RAB36: variants seen among roughly 807,000 people sequenced by gnomAD.
RAB36 encodes the protein RAB36, member RAS oncogene family.
In RAB36, 33 loss-of-function variants were observed where a neutral mutation model predicts 39.3. That is an observed-to-expected ratio of 0.84 (90% CI 0.64 to 1.12). RAB36 has a LOEUF of 1.12. RAB36 is among the 50% of genes most tolerant of loss of function. RAB36 has a pLI of 0.00. For synonymous variants in RAB36, 133 were observed against 140.2 expected, an observed-to-expected ratio of 0.95 and a Z score of 0.36; for missense variants, 308 against 355.3, an observed-to-expected ratio of 0.87 and a Z score of 1.07.
At chr22:23,161,386 C>T (rs2071786552) in intron 10 of RAB36, 114 bp from the exon 11 acceptor site, 2 of 981,878 alleles carry the variant, frequency 2.0e-6, no homozygotes, top group Admixed American at 2.0e-5. Flanking sequence ...AGGCCTTGAA[C>T]AGCAGGCCCA....
intron 4 of RAB36, 91 bp from the exon 5 acceptor site, chr22:23,152,942 T>TA (rs1475832996): frequency 1.5e-5 from 14 of 918,602 alleles, no homozygotes; most frequent in Non-Finnish European, 1.9e-5. Flanking sequence ...AAGTGGACCT[T>TA]ATTTGCCTAA....
downstream of RAB36, among the ~76,000 whole-genome samples, chr22:23,167,006 C>T (rs975414585): frequency 2.0e-5 from 3 of 152,100 alleles, no homozygotes; most frequent in East Asian, 1.9e-4. Context: ...CTACCACCCC[C>T]GCCCTGTCCC....
At chr22:23,146,744 C>A in intron 2 of RAB36, 59 bp downstream of exon 2, 2 of 1,589,242 alleles carry the variant, frequency 1.3e-6, no homozygotes, top group Non-Finnish European at 1.7e-6. Context: ...CAGCTCTCCC[C>A]ACTCTACACT....
intron 2 of RAB36, among the ~76,000 whole-genome samples, chr22:23,148,229 T>C (rs1013700257): frequency 2.0e-5 from 3 of 152,198 alleles, no homozygotes; most frequent in Admixed American, 6.5e-5. Flanking sequence ...GTCTCAGACC[T>C]GTGGACAGTT....
In RAB36 at chr22:23,164,318, G is replaced by C. The variant is rs1413744533; in HGVS notation, c.*2754G>C. 6.6e-6 allele frequency: 1 copy of C among 152,230 alleles called. No individual in the cohort carries two copies. Among genetic ancestry groups the C allele is most frequent in the Non-Finnish European group, 1.5e-5 (1 of 68,052 alleles). 9.4% of individuals were successfully genotyped at this position (152,230 alleles called of 1,614,324 possible). A position where few individuals can be genotyped will look rare whatever the true frequency, so the allele number is the denominator to read the frequency against. ...CACGTACACCCCCACCTCTGTAAAT[G>C]GTCCTTGATTAAATCGTCCTCATAT... On this transcript the variant is annotated 3_prime_UTR_variant, in exon 11 of 11. Coordinates refer to ENST00000263116, the MANE Select transcript of RAB36 (RefSeq NM_004914.5).
downstream of RAB36, among the ~76,000 whole-genome samples, chr22:23,167,711 ATT>A (rs528853125): frequency 1.4e-5 from 2 of 145,674 alleles, no homozygotes; most frequent in Admixed American, 6.7e-5. Flanking sequence ...TAATTAATTT[ATT>A]TTTTTTTTTA....
Position 23,161,935 on chromosome 22 carries a change from A to C in RAB36, c.*371A>C. The C allele has an allele frequency of 9.0e-6, 2 of 221,842 alleles. No individual in the cohort carries two copies. Among genetic ancestry groups the C allele is most frequent in the Non-Finnish European group, 1.8e-5 (2 of 110,780 alleles). The allele number at this position is 221,842 out of a possible 1,614,324, so 13.7% of individuals were successfully genotyped here. A position where few individuals can be genotyped will look rare whatever the true frequency, so the allele number is the denominator to read the frequency against. ...TCTATACTACTCGGCCATGGCCCAC[A>C]TCAGCAGTCAACCCTGCACTCTTTC... On this transcript the variant is annotated 3_prime_UTR_variant, in exon 11 of 11. Transcript: ENST00000263116.
In RAB36 at chr22:23,156,052, G is replaced by T; in HGVS notation, c.394+20G>T. ...CCCAGGGTGAGCAACATGCCACGTC[G>T]GGGCTCAACTGCATGCAGCAGCGGG... On this transcript the variant is annotated intron_variant, in intron 6 of 10. Transcript: ENST00000263116. The T allele has an allele frequency of 6.2e-7, 1 of 1,604,766 alleles. No homozygotes were observed. The highest frequency in any genetic ancestry group is 8.5e-7 in the Non-Finnish European group (1 of 1,174,774).
intron 5 of RAB36, among the ~76,000 whole-genome samples, chr22:23,153,760 A>G: frequency 7.2e-6 from 1 of 139,634 alleles, no homozygotes; most frequent in Non-Finnish European, 1.5e-5. Flanking sequence ...GCAGTGGCGC[A>G]ATCTCAGCTC....
chr22:23,153,135 G>A lies in RAB36; in HGVS notation c.329+1G>A, dbSNP rs1216666971. 1 of 1,612,630 alleles carries A rather than the reference G, an allele frequency of 6.2e-7. No individual in the cohort carries two copies. The highest frequency in any genetic ancestry group is 8.5e-7 in the Non-Finnish European group (1 of 1,178,806). On this transcript the variant is annotated splice_donor_variant, in intron 5 of 10. Transcript: ENST00000263116. LOFTEE classifies it high-confidence loss of function. ...CTGGGATTCCCTATAGCCTCCAGAT[G>A]TAAGTTGCTGGTTCCCCCATGGCTC... is the stretch of plus-strand genomic sequence containing the variant.
chr22:23,162,795 C>G lies in RAB36; in HGVS notation c.*1231C>G. The G allele has an allele frequency of 2.2e-6, 1 of 455,148 alleles. No homozygotes were observed. Among genetic ancestry groups the G allele is most frequent in the Non-Finnish European group, 4.4e-6 (1 of 226,022 alleles). 28.2% of individuals were successfully genotyped at this position (455,148 alleles called of 1,614,324 possible). On this transcript the variant is annotated 3_prime_UTR_variant, in exon 11 of 11. Transcript: ENST00000263116. ...TGCTCTCCTAGGGCCTGGCACACTG[C>G]AGCTGCCCTGTAAATGTTCAGCTCA...
At chr22:23,146,787 G>C (rs2070803420) in intron 2 of RAB36, 102 bp downstream of exon 2, 2 of 1,486,236 alleles carry the variant, frequency 1.3e-6, no homozygotes, top group African/African-American at 1.4e-5. Flanking sequence ...GAATCAAGGA[G>C]GTCTGTCCAT....
intron 6 of RAB36, among the ~76,000 whole-genome samples, chr22:23,156,753 G>A (rs935020111): frequency 3.9e-5 from 6 of 152,196 alleles, no homozygotes; most frequent in East Asian, 1.9e-4. Flanking sequence ...GCCCTCAGCC[G>A]TGGGTTGGAG....
intron 1 of RAB36, chr22:23,146,102 C>CCTGCCCCACCCTGCCTGGG: frequency 2.4e-6 from 2 of 831,394 alleles, no homozygotes; most frequent in Non-Finnish European, 2.9e-6. Flanking sequence ...GACTCCCAGG[C>CCTGCCCCACCCTGCCTGGG]AGGGTGGGGC....
chr22:23,161,206 C>T (rs2071771362), intron 10 of RAB36, among the ~76,000 whole-genome samples: 2 of 152,208 alleles, frequency 1.3e-5, no homozygotes, highest in South Asian at 4.1e-4. Flanking sequence ...CCTAGCCCTC[C>T]CTGTTCTCCT....
At chr22:23,153,899 T>C (rs1056204086) in intron 5 of RAB36, among the ~76,000 whole-genome samples, 3 of 152,090 alleles carry the variant, frequency 2.0e-5, no homozygotes, top group South Asian at 2.1e-4. Context: ...ATGTTGGCCA[T>C]GCTGATCTCG....
rs566452571 is a variant in RAB36, at chr22:23,158,135, C to T, written c.446+92C>T. ...GACCCTGGCCAGTGGACCCTGACCC[C>T]GTGGTGGGTGTGAGTGACCAGGGCC... is the stretch of plus-strand genomic sequence containing the variant. On this transcript the variant is annotated intron_variant, in intron 7 of 10. Transcript: ENST00000263116. The T allele has an allele frequency of 4.2e-5, 66 of 1,566,806 alleles. No homozygotes were observed. In the East Asian group the frequency reaches 1.3e-3, roughly 31 times the overall value.
chr22:23,165,117 A>C lies in RAB36; in HGVS notation c.*3553A>C, dbSNP rs1408066271. ...ACCCATCTGTGGAACCCCAAGAGCC[A>C]GGACAGTGACCTCATCACCTCTACT... On this transcript the variant is annotated 3_prime_UTR_variant, in exon 11 of 11. Transcript: ENST00000263116. Among the ~76,000 whole-genome samples the C allele has an allele frequency of 6.6e-6, 1 of 152,214 alleles. No individual in the cohort carries two copies. Among genetic ancestry groups the C allele is most frequent in the Non-Finnish European group, 1.5e-5 (1 of 68,038 alleles).
rs186812822 is a variant in RAB36, at chr22:23,159,133, C to T, written c.529-30C>T. ...GGGCCTCCCTGCAGGAGAGCCGGGACGCTGGGTCAACAAGGGCCATTTCTC... is the reference window on the plus strand; with the variant it reads ...GGGCCTCCCTGCAGGAGAGCCGGGATGCTGGGTCAACAAGGGCCATTTCTC... On this transcript the variant is annotated intron_variant, in intron 8 of 10. Transcript: ENST00000263116. 7,134 of 1,606,668 alleles carry T rather than the reference C, an allele frequency of 4.4e-3. 42 individuals are homozygous for T. The highest frequency in any genetic ancestry group is 4.3e-3 in the Non-Finnish European group (5,028 of 1,176,368).
Sources: gnomAD v4.1 joint callset for allele counts (sites outside exome capture counted in the v4.1 genomes callset) on GRCh38, gnomAD v4.1.1 for gene constraint, MANE v1.5 for transcripts, NCBI Gene and HGNC (gene_info 2026-07-23, HGNC 2026-07-21) for gene names.